HIPK3: variants seen among roughly 807,000 people sequenced by gnomAD.
HIPK3 encodes the protein homeodomain-interacting protein kinase 3.
In HIPK3, 47 loss-of-function variants were observed where a neutral mutation model predicts 124.2. The ratio of observed to expected loss-of-function variants is 0.38; its 90% CI spans 0.30 to 0.48. HIPK3 has a LOEUF of 0.48. HIPK3 is among the 20% of genes least tolerant of loss of function. The pLI, the probability that HIPK3 is intolerant of heterozygous loss-of-function variation, is 0.98. For missense variants in HIPK3, 1,286 were observed against 1,454.3 expected (o/e 0.88, Z 1.88); for synonymous variants, 482 against 515.2 (o/e 0.94, Z 0.87).
intron 2 of HIPK3, among the ~76,000 whole-genome samples, chr11:33,314,581 G>A (rs1031359199): frequency 1.3e-5 from 2 of 152,038 alleles, no homozygotes; most frequent in African/African-American, 2.4e-5. Context: ...GCTTGAACCC[G>A]GCAGGCAGAG....
Position 33,320,247 on chromosome 11 carries a change from A to C in HIPK3, c.1098-8263A>C, listed in dbSNP as rs903917968. ...TTTGAGGAGAAGAGTGACATGGTCT[A>C]ATTTATGTATTAAATGGATCACTCA... On this transcript the variant is annotated intron_variant, in intron 2 of 16. Transcript: ENST00000303296. Among the ~76,000 whole-genome samples the C allele has an allele frequency of 1.6e-4, 25 of 152,180 alleles. 1 individual carries two copies. Among genetic ancestry groups the C allele is most frequent in the Admixed American group, 1.5e-3 (23 of 15,276 alleles).
intron 2 of HIPK3, among the ~76,000 whole-genome samples, chr11:33,299,136 T>C (rs1476240016): frequency 1.3e-5 from 2 of 150,018 alleles, no homozygotes; most frequent in South Asian, 4.4e-4. Flanking sequence ...TGTGAGCCAC[T>C]GTGCCTGGCC....
intron 2 of HIPK3, among the ~76,000 whole-genome samples, chr11:33,301,006 GGTTTTAT>G (rs1386663437): frequency 6.6e-6 from 1 of 151,946 alleles, no homozygotes; most frequent in Non-Finnish European, 1.5e-5. Context: ...TACCACACCC[GGTTTTAT>G]GTGTATATTT....
chr11:33,292,884 C>T (rs1280645861), intron 2 of HIPK3, among the ~76,000 whole-genome samples: 1 of 152,052 alleles, frequency 6.6e-6, no homozygotes, highest in South Asian at 2.1e-4. Flanking sequence ...TACAGGCGCC[C>T]GCCACCACGC....
intron 2 of HIPK3, among the ~76,000 whole-genome samples, chr11:33,315,433 G>T (rs1328404255): frequency 1.3e-5 from 2 of 152,046 alleles, no homozygotes; most frequent in African/African-American, 4.8e-5. Flanking sequence ...CACCATGTTG[G>T]CCAGGATGGT....
rs535880155 is a variant in HIPK3, at chr11:33,293,180, G to T, written c.1097+5669G>T. Among the ~76,000 whole-genome samples the T allele has an allele frequency of 2.0e-5, 3 of 152,072 alleles. No individual in the cohort carries two copies. In the East Asian group the frequency reaches 5.8e-4, roughly 29 times the overall value. ...TCTAGCAGAGCTCTTAAGTTTTTTT[G>T]TTTTGTTTTTGTTTTTAAAAACAGC... is the stretch of plus-strand genomic sequence containing the variant. On this transcript the variant is annotated intron_variant, in intron 2 of 16. Coordinates refer to ENST00000303296, the MANE Select transcript of HIPK3 (RefSeq NM_005734.5).
chr11:33,277,121 G>T (rs1851294010), intron 1 of HIPK3, among the ~76,000 whole-genome samples: 1 of 152,066 alleles, frequency 6.6e-6, no homozygotes, highest in Admixed American at 6.6e-5. Context: ...GAAAGTATAG[G>T]GAGTAATAGA....
At chr11:33,261,724 G>C (rs182403431) in intron 1 of HIPK3, among the ~76,000 whole-genome samples, 12 of 152,206 alleles carry the variant, frequency 7.9e-5, no homozygotes, top group African/African-American at 2.7e-4. Flanking sequence ...TATTTCTTTG[G>C]ATATATACCC....
chr11:33,310,299 A>G (rs1400128779), intron 2 of HIPK3, among the ~76,000 whole-genome samples: 1 of 150,958 alleles, frequency 6.6e-6, no homozygotes. Context: ...CTATCTATCT[A>G]TCTATCTAAT....
chr11:33,277,485 C>CT (rs1851303390), intron 1 of HIPK3, among the ~76,000 whole-genome samples: 1 of 152,082 alleles, frequency 6.6e-6, no homozygotes, highest in Non-Finnish European at 1.5e-5. Context: ...GGTATATTTT[C>CT]TTTTTTTGTG....
intron 8 of HIPK3, among the ~76,000 whole-genome samples, chr11:33,344,599 T>A (rs182189432): frequency 1.3e-5 from 2 of 152,330 alleles, no homozygotes; most frequent in Non-Finnish European, 1.5e-5. Flanking sequence ...ATATCAGTGG[T>A]TTACAATATG....
chr11:33,264,666 G>A (rs12788315), intron 1 of HIPK3, among the ~76,000 whole-genome samples: 51,747 of 152,008 alleles, frequency 0.34, 9,533 homozygotes, highest in Middle Eastern at 0.47. Context: ...GGAAATTTTA[G>A]AAAGTATTTG....
upstream of HIPK3, chr11:33,257,314 G>C (rs1850690437): frequency 1.0e-6 from 1 of 983,632 alleles, no homozygotes; most frequent in Admixed American, 6.2e-5. Flanking sequence ...CCGGGCGGGC[G>C]GTGGCGCTGC....
At chr11:33,298,395 A>G (rs1851900312) in intron 2 of HIPK3, among the ~76,000 whole-genome samples, 1 of 152,246 alleles carries the variant, frequency 6.6e-6, no homozygotes, top group South Asian at 2.1e-4. Context: ...GGAGATATAT[A>G]GGGAGAATAA....
intron 3 of HIPK3, among the ~76,000 whole-genome samples, chr11:33,332,263 T>C (rs266484): frequency 0.014 from 2,147 of 152,344 alleles, 58 homozygotes; most frequent in African/African-American, 0.049. Flanking sequence ...CATATTTTCT[T>C]GTATGTGCAT....
intron 2 of HIPK3, among the ~76,000 whole-genome samples, chr11:33,308,500 C>T (rs1422505950): frequency 6.6e-6 from 1 of 152,094 alleles, no homozygotes; most frequent in Non-Finnish European, 1.5e-5. Flanking sequence ...TCTATTATTT[C>T]CATAGAAAAT....
At chr11:33,340,348 C>CT (rs1853294834) in intron 6 of HIPK3, among the ~76,000 whole-genome samples, 1 of 152,178 alleles carries the variant, frequency 6.6e-6, no homozygotes, top group African/African-American at 2.4e-5. Flanking sequence ...AGTGCTGGGA[C>CT]TATAGGTGTG....
chr11:33,325,714 T>C (rs1225995469), intron 2 of HIPK3, among the ~76,000 whole-genome samples: 1 of 152,226 alleles, frequency 6.6e-6, no homozygotes, highest in Non-Finnish European at 1.5e-5. Flanking sequence ...GCATATTCTT[T>C]ACAAGGTTCT....
At chr11:33,328,919 T>C (rs538602863) in intron 3 of HIPK3, among the ~76,000 whole-genome samples, 15 of 152,346 alleles carry the variant, frequency 9.8e-5, no homozygotes, top group African/African-American at 3.6e-4. Flanking sequence ...ATTTAATTAA[T>C]TGTGCTTTGC....
Sources: allele counts gnomAD v4.1 joint callset (sites outside exome capture counted in the v4.1 genomes callset), GRCh38; gene constraint gnomAD v4.1.1; transcripts MANE v1.5; gene names NCBI Gene and HGNC (gene_info 2026-07-23, HGNC 2026-07-21).